Variants in ANKRD49 observed in about 807,000 individuals in gnomAD.
ANKRD49 encodes ankyrin repeat domain-containing protein 49.
Under a neutral mutation model 19.6 loss-of-function variants are expected in ANKRD49, and 18 were observed. The ratio of observed to expected loss-of-function variants is 0.92; its 90% CI spans 0.63 to 1.36. ANKRD49 has a LOEUF of 1.36. ANKRD49 is among the 40% of genes most tolerant of loss of function. The probability of loss-of-function intolerance (pLI) is 0.00; values close to 1 mark genes in which losing one functional copy is unlikely to be tolerated. For missense variants in ANKRD49, 218 were observed against 281.6 expected, an observed-to-expected ratio of 0.77 and a Z score of 1.62; for synonymous variants, 88 against 101.8, an observed-to-expected ratio of 0.86 and a Z score of 0.82.
In ANKRD49 at chr11:94,496,749, A is replaced by G; in HGVS notation, c.56A>G (p.Asp19Gly). 6.2e-7 allele frequency: 1 copy of G among 1,611,554 alleles called. No individual in the cohort carries two copies. The highest frequency in any genetic ancestry group is 1.1e-5 in the South Asian group (1 of 90,342). Residue 19 changes from aspartate to glycine, a missense_variant, in exon 2 of 3, where the codon GAT becomes GGT. Transcript: ENST00000544612. ...ATACCAGACCAAGAGAATTCCTTGGATTTTTCTGAACACTTTAACCAACTT... is the reference window on the plus strand; with the variant it reads ...ATACCAGACCAAGAGAATTCCTTGGGTTTTTCTGAACACTTTAACCAACTT... ...DGIPDQENSLDFSEHFNQLEL... is the reference protein window; with the variant it reads ...DGIPDQENSLGFSEHFNQLEL...
Position 94,496,888 on chromosome 11 carries a change from G to A in ANKRD49, c.195G>A (p.Leu65=), listed in dbSNP as rs778520597. 40 of 1,613,204 alleles carry A rather than the reference G, an allele frequency of 2.5e-5. No individual in the cohort carries two copies. In the South Asian group the frequency reaches 4.2e-4, roughly 17 times the overall value. ...ACAAAAATGAAGAGTGGTATCGATTGCAAGAAAAAAAAATGGAAAAAGACC... is the reference window on the plus strand; with the variant it reads ...ACAAAAATGAAGAGTGGTATCGATTACAAGAAAAAAAAATGGAAAAAGACC... ...QDDKNEEWYR[L]QEKKMEKDPS... The change falls in exon 2 of 3, where the codon TTG becomes TTA. Residue 65 remains leucine, a synonymous_variant. Coordinates refer to ENST00000544612, the MANE Select transcript of ANKRD49 (RefSeq NM_017704.3).
chr11:94,495,244 G>T (rs1947397366), intron 1 of ANKRD49, among the ~76,000 whole-genome samples: 1 of 152,076 alleles, frequency 6.6e-6, no homozygotes, highest in African/African-American at 2.4e-5. Flanking sequence ...GTATCTTGGG[G>T]TTATGCCTAA....
intron 2 of ANKRD49, chr11:94,497,839 G>C (rs563338611): frequency 6.7e-6 from 3 of 448,578 alleles, no homozygotes; most frequent in East Asian, 7.4e-5. Context: ...TTGATATTCA[G>C]AGAATCTCAT....
At chr11:94,494,198 T>A (rs1024981837) in intron 1 of ANKRD49, 163 bp downstream of exon 1, 6 of 152,166 alleles carry the variant, frequency 3.9e-5, no homozygotes, top group Non-Finnish European at 7.3e-5. Context: ...TCTCCGCTCT[T>A]GGCTGTTTGG....
Position 94,498,736 on chromosome 11 carries a change from G to T in ANKRD49, c.*204G>T. ...ATATATCTTTAATTATTTCTGTGGA[G>T]TTTGTGATTTTTTTATCAGAAATAA... On this transcript the variant is annotated 3_prime_UTR_variant, in exon 3 of 3. Transcript: ENST00000544612. 1.7e-6 allele frequency: 1 copy of T among 572,608 alleles called. No homozygotes were observed. The highest frequency in any genetic ancestry group is 3.0e-6 in the Non-Finnish European group (1 of 330,008). The allele number at this position is 572,608 out of a possible 1,614,324, so 35.5% of individuals were successfully genotyped here.
rs1284434438 is a variant in ANKRD49 at position 94,496,947 on chromosome 11, A to G, written c.254A>G (p.Asn85Ser). The change falls in exon 2 of 3, where the codon AAT becomes AGT. Residue 85 changes from asparagine to serine, a missense_variant. By Grantham distance (46) the Asn-to-Ser change is conservative. Coordinates refer to ENST00000544612, the MANE Select transcript of ANKRD49 (RefSeq NM_017704.3). Reference sequence around the variant, plus strand: ...TTGCTTCTTTGGGCTGCTGAAAAAAATCGGGTAAAAAAAAAAATTACAGAG... The same window carrying G: ...TTGCTTCTTTGGGCTGCTGAAAAAAGTCGGGTAAAAAAAAAAATTACAGAG... ...SRLLLWAAEK[N>S]RLTTVRRLLS... 6.2e-7 allele frequency: 1 copy of G among 1,613,212 alleles called. No individual in the cohort carries two copies. Among genetic ancestry groups the G allele is most frequent in the Non-Finnish European group, 8.5e-7 (1 of 1,179,962 alleles).
rs754279796 is a variant in ANKRD49 at position 94,498,796 on chromosome 11, G to A, written c.*264G>A. The A allele has an allele frequency of 7.2e-6, 3 of 418,686 alleles. No individual in the cohort carries two copies. The highest frequency in any genetic ancestry group is 1.3e-5 in the Non-Finnish European group (3 of 235,084). 25.9% of individuals were successfully genotyped at this position (418,686 alleles called of 1,614,324 possible). A position where few individuals can be genotyped will look rare whatever the true frequency, so the allele number is the denominator to read the frequency against. On this transcript the variant is annotated 3_prime_UTR_variant, in exon 3 of 3. Coordinates refer to ENST00000544612, the MANE Select transcript of ANKRD49 (RefSeq NM_017704.3). Reference sequence around the variant, plus strand: ...GTGTATACTTAAAAACTTGACACGGGTTGTACAGAAACTGGTATTTTTGGT... The same window carrying A: ...GTGTATACTTAAAAACTTGACACGGATTGTACAGAAACTGGTATTTTTGGT...
chr11:94,498,421 G>A lies in ANKRD49; in HGVS notation c.609G>A (p.Gly203=). 6.2e-7 allele frequency: 1 copy of A among 1,613,604 alleles called. No homozygotes were observed. The highest frequency in any genetic ancestry group is 1.3e-5 in the African/African-American group (1 of 75,004). The part of the protein sequence containing the change: ...LLLMNRYVKP[G]LKNNLEETAF... ...TGATGAACCGTTACGTCAAACCAGG[G>A]CTGAAAAACAACTTGGAAGAAACTG... Residue 203 remains glycine, a synonymous_variant, in exon 3 of 3, where the codon GGG becomes GGA. Transcript: ENST00000544612.
rs750258320 is a variant in ANKRD49 at position 94,496,953 on chromosome 11, TA to T, written c.258+13del. ...CTTTGGGCTGCTGAAAAAAATCGGGTAAAAAAAAAAATTACAGAGGGAAGTG... is the reference window on the plus strand; with the variant it reads ...CTTTGGGCTGCTGAAAAAAATCGGGTAAAAAAAAAATTACAGAGGGAAGTG... On this transcript the variant is annotated splice_donor_region_variant and intron_variant, in intron 2 of 2. Coordinates refer to ENST00000544612, the MANE Select transcript of ANKRD49 (RefSeq NM_017704.3). 1.1e-3 allele frequency: 1,464 copies of T among 1,308,624 alleles called. No homozygotes were observed. Among genetic ancestry groups the T allele is most frequent in the South Asian group, 1.4e-3 (97 of 69,802 alleles). 81.1% of individuals were successfully genotyped at this position (1,308,624 alleles called of 1,614,324 possible).
chr11:94,498,420 G>A lies in ANKRD49; in HGVS notation c.608G>A (p.Gly203Glu), dbSNP rs1288064218. The A allele has an allele frequency of 1.2e-6, 2 of 1,613,558 alleles. No homozygotes were observed. The highest frequency in any genetic ancestry group is 8.5e-7 in the Non-Finnish European group (1 of 1,179,836). Reference sequence around the variant, plus strand: ...CTGATGAACCGTTACGTCAAACCAGGGCTGAAAAACAACTTGGAAGAAACT... The same window carrying A: ...CTGATGAACCGTTACGTCAAACCAGAGCTGAAAAACAACTTGGAAGAAACT... ...LLLMNRYVKP[G>E]LKNNLEETAF... Residue 203 changes from glycine (G) to glutamate (E), a missense_variant, in exon 3 of 3, where the codon GGG becomes GAG. Physicochemically the swap from Gly to Glu is moderately conservative, Grantham distance 98. Transcript: ENST00000544612.
chr11:94,494,160 G>A (rs1314551239), intron 1 of ANKRD49, 125 bp downstream of exon 1: 1 of 152,262 alleles, frequency 6.6e-6, no homozygotes, highest in Non-Finnish European at 1.5e-5. Flanking sequence ...AGGCCGCTTC[G>A]TGGTCCCCAG....
rs548927360 is a variant in ANKRD49, at chr11:94,498,084, G to A, written c.272G>A (p.Arg91Gln). 32 of 1,609,516 alleles carry A rather than the reference G, an allele frequency of 2.0e-5. No individual in the cohort carries two copies. The highest frequency in any genetic ancestry group is 1.3e-4 in the African/African-American group (10 of 74,866). ...AAEKNRLTTV[R>Q]RLLSEKATHV... The stretch of plus-strand genomic sequence containing the variant: ...TTTTCTTCTCAGCTTACCACAGTGC[G>A]GAGACTCCTTTCTGAAAAGGCCACT... Residue 91 changes from arginine (R) to glutamine (Q), a missense_variant, in exon 3 of 3, where the codon CGG (arginine) becomes CAG (glutamine). Physicochemically the swap from Arg to Gln is conservative, Grantham distance 43. Coordinates refer to ENST00000544612, the MANE Select transcript of ANKRD49 (RefSeq NM_017704.3).
rs1217632266 is a variant in ANKRD49, at chr11:94,498,574, C to G, written c.*42C>G. 4 of 1,506,128 alleles carry G rather than the reference C, an allele frequency of 2.7e-6. No individual in the cohort carries two copies. Among genetic ancestry groups the G allele is most frequent in the Non-Finnish European group, 3.6e-6 (4 of 1,103,120 alleles). 93.3% of individuals were successfully genotyped at this position (1,506,128 alleles called of 1,614,324 possible). ...CCTAAGTTTCTAAATACCAGTGCCT[C>G]CTGTGTGTGAGATGTATTCCCATAA... On this transcript the variant is annotated 3_prime_UTR_variant, in exon 3 of 3. Coordinates refer to ENST00000544612, the MANE Select transcript of ANKRD49 (RefSeq NM_017704.3).
Position 94,498,610 on chromosome 11 carries a change from C to T in ANKRD49, c.*78C>T, listed in dbSNP as rs1447602845. ...GATGTATTCCCATAATCAAAGTTGA[C>T]GTCAAACATCTTACTACAAAAATTC... On this transcript the variant is annotated 3_prime_UTR_variant, in exon 3 of 3. Transcript: ENST00000544612. The T allele has an allele frequency of 2.7e-5, 33 of 1,243,898 alleles. No individual in the cohort carries two copies. The highest frequency in any genetic ancestry group is 3.2e-5 in the Non-Finnish European group (28 of 887,718). The allele number at this position is 1,243,898 out of a possible 1,614,324, so 77.1% of individuals were successfully genotyped here.
chr11:94,496,008 T>C (rs1488805772), intron 1 of ANKRD49, among the ~76,000 whole-genome samples: 4 of 152,204 alleles, frequency 2.6e-5, no homozygotes, highest in Admixed American at 6.5e-5. Context: ...CTAAGAACTA[T>C]AGTTGCCTAT....
chr11:94,497,733 A>G (rs1947435990), intron 2 of ANKRD49: 2 of 209,716 alleles, frequency 9.5e-6, no homozygotes, highest in Admixed American at 1.1e-4. Context: ...TTCTTCACAG[A>G]TAACACATAA....
intron 1 of ANKRD49, among the ~76,000 whole-genome samples, chr11:94,495,954 A>G (rs541181937): frequency 5.6e-4 from 85 of 152,372 alleles, no homozygotes; most frequent in African/African-American, 2.0e-3. Flanking sequence ...AGTTGAATGA[A>G]GGAATGAATG....
At position 94,498,853 on chromosome 11, in the gene ANKRD49, C is replaced by A. The variant is rs181703771; in HGVS notation, c.*321C>A. The A allele has an allele frequency of 1.8e-5, 5 of 285,488 alleles. No individual in the cohort carries two copies. Among genetic ancestry groups the A allele is most frequent in the Admixed American group, 9.8e-5 (2 of 20,324 alleles). 17.7% of individuals were successfully genotyped at this position (285,488 alleles called of 1,614,324 possible). ...ACAAGAGAAATGTATTTTTAAATAT[C>A]CCACATCCTGGATCTTTGTTGGGTA... On this transcript the variant is annotated 3_prime_UTR_variant, in exon 3 of 3. Transcript: ENST00000544612.
Position 94,498,665 on chromosome 11 carries a change from T to C in ANKRD49, c.*133T>C, listed in dbSNP as rs1947452212. The C allele has an allele frequency of 2.7e-6, 2 of 744,620 alleles. No homozygotes were observed. Among genetic ancestry groups the C allele is most frequent in the Admixed American group, 3.0e-5 (1 of 33,832 alleles). 46.1% of individuals were successfully genotyped at this position (744,620 alleles called of 1,614,324 possible). A position where few individuals can be genotyped will look rare whatever the true frequency, so the allele number is the denominator to read the frequency against. On this transcript the variant is annotated 3_prime_UTR_variant, in exon 3 of 3. Transcript: ENST00000544612. ...ACATTCATTATAACATTCTTCCAAG[T>C]GAATTGCCTGACTTTGATGTCAAAA... is the stretch of plus-strand genomic sequence containing the variant.
Sources: allele counts gnomAD v4.1 joint callset (sites outside exome capture counted in the v4.1 genomes callset), GRCh38; gene constraint gnomAD v4.1.1; transcripts MANE v1.5; gene names NCBI Gene and HGNC (gene_info 2026-07-23, HGNC 2026-07-21).